ZBTB20: variants seen among roughly 807,000 people sequenced by gnomAD.
ZBTB20 encodes zinc finger and BTB domain containing 20, also known as zinc finger and BTB domain-containing protein 20.
A neutral mutation model predicts 56.9 loss-of-function variants in ZBTB20; 9 were observed. The ratio of observed to expected loss-of-function variants is 0.16; its 90% CI spans 0.10 to 0.28. The LOEUF (loss-of-function observed/expected upper bound fraction) is 0.28. Among genes scored for constraint, ZBTB20 ranks in the 10% least tolerant of loss-of-function variants. ZBTB20 has a pLI of 1.00. For missense variants in ZBTB20, 655 were observed against 1,003.0 expected (o/e 0.65, Z 4.69); for synonymous variants, 417 against 420.7 (o/e 0.99, Z 0.11).
chr3:114,748,081 A>G (rs1251974849), intron 5 of ZBTB20, among the ~76,000 whole-genome samples: 1 of 152,156 alleles, frequency 6.6e-6, no homozygotes, highest in East Asian at 1.9e-4. Context: ...AAGACATATC[A>G]ACATTGGTAA....
chr3:114,768,747 G>T (rs1350496329), intron 5 of ZBTB20, among the ~76,000 whole-genome samples: 3 of 152,250 alleles, frequency 2.0e-5, no homozygotes, highest in African/African-American at 7.2e-5. Flanking sequence ...AAAGTAAATA[G>T]GAGAGATATC....
In ZBTB20 at chr3:114,784,233, CAG is replaced by C. The variant is rs2070329220; in HGVS notation, c.-343+16866_-343+16867del. On this transcript the variant is annotated intron_variant, in intron 5 of 11. Transcript: ENST00000675478. ...GAGTTGCCACAGGCAAGAGGACTAA[CAG>C]AGTAAAATACTAACTGATCCAATAT... 2.6e-5 allele frequency among the ~76,000 whole-genome samples: 4 copies of C among 152,202 alleles called. No homozygotes were observed. In the South Asian group the frequency reaches 6.2e-4, roughly 24 times the overall value.
intron 5 of ZBTB20, among the ~76,000 whole-genome samples, chr3:114,775,325 A>G (rs2069512013): frequency 6.6e-6 from 1 of 152,112 alleles, no homozygotes; most frequent in African/African-American, 2.4e-5. Flanking sequence ...TTTTAAACAT[A>G]TTTTATCTTA....
At chr3:115,060,437 A>C (rs2108473999) in intron 2 of ZBTB20, among the ~76,000 whole-genome samples, 1 of 152,292 alleles carries the variant, frequency 6.6e-6, no homozygotes, top group African/African-American at 2.4e-5. Context: ...CCATCTCTAC[A>C]GGAAGGCTTT....
chr3:114,725,956 AG>A (rs2065246515), intron 5 of ZBTB20, among the ~76,000 whole-genome samples: 1 of 152,214 alleles, frequency 6.6e-6, no homozygotes. Context: ...TAACTCACTG[AG>A]GGGGTTGTGG....
intron 10 of ZBTB20, among the ~76,000 whole-genome samples, chr3:114,379,968 T>A (rs1460139042): frequency 1.3e-5 from 2 of 152,232 alleles, no homozygotes; most frequent in African/African-American, 4.8e-5. Context: ...GTTAGTGTTA[T>A]GAAAAGAACG....
chr3:114,976,652 C>T (rs112536871), intron 2 of ZBTB20, among the ~76,000 whole-genome samples: 289 of 151,794 alleles, frequency 1.9e-3, no homozygotes, highest in African/African-American at 6.6e-3. Context: ...TCTGAAGGAC[C>T]GTTTGAATTG....
chr3:115,085,632 G>A (rs543656091), intron 1 of ZBTB20, among the ~76,000 whole-genome samples: 2 of 152,030 alleles, frequency 1.3e-5, no homozygotes, highest in South Asian at 2.1e-4. Context: ...TCTTATTTGG[G>A]CATAATTTCC....
intron 3 of ZBTB20, among the ~76,000 whole-genome samples, chr3:114,910,711 AT>A (rs1275467847): frequency 1.3e-5 from 2 of 152,100 alleles, no homozygotes; most frequent in South Asian, 4.1e-4. Context: ...CTCAAAAAAA[AT>A]AAATGGGCTC....
At chr3:114,350,164 TA>T in intron 11 of ZBTB20, 109 bp downstream of exon 11, 1 of 1,472,256 alleles carries the variant, frequency 6.8e-7, no homozygotes. Context: ...GGGGTCTGTT[TA>T]AAATCTGAAA....
At chr3:114,346,955 G>A (rs1432587215) in intron 11 of ZBTB20, among the ~76,000 whole-genome samples, 1 of 151,820 alleles carries the variant, frequency 6.6e-6, no homozygotes, top group Non-Finnish European at 1.5e-5. Flanking sequence ...CAAAGTCCTG[G>A]GATTACAGGC....
intron 7 of ZBTB20, among the ~76,000 whole-genome samples, chr3:114,490,377 A>G (rs747606617): frequency 5.3e-5 from 8 of 151,998 alleles, no homozygotes; most frequent in Non-Finnish European, 1.2e-4. Context: ...ACCCGCCACT[A>G]TGCCCGGCTA....
At position 114,337,724 on chromosome 3, in the gene ZBTB20, C is replaced by T. The variant is rs2079507790; in HGVS notation, c.*1281G>A. ...AAAAAATATGAAGAAAATATCCTTC[C>T]TCTCTTTCAAATATAACTTTAGTTG... On this transcript the variant is annotated 3_prime_UTR_variant, in exon 12 of 12. Coordinates refer to ENST00000675478, the MANE Select transcript of ZBTB20 (RefSeq NM_001348800.3). 2 of 151,966 alleles carry T rather than the reference C, an allele frequency of 1.3e-5. No individual in the cohort carries two copies. The highest frequency in any genetic ancestry group is 6.6e-5 in the Admixed American group (1 of 15,264). The allele number at this position is 151,966 out of a possible 1,614,324, so 9.4% of individuals were successfully genotyped here.
At chr3:114,740,602 G>C (rs2066503222) in intron 5 of ZBTB20, among the ~76,000 whole-genome samples, 1 of 152,078 alleles carries the variant, frequency 6.6e-6, no homozygotes, top group Non-Finnish European at 1.5e-5. Flanking sequence ...GTAAATGGAA[G>C]GTATACATGT....
At chr3:114,861,717 AC>A (rs2075542160) in intron 4 of ZBTB20, 4 of 151,214 alleles carry the variant, frequency 2.6e-5, no homozygotes, top group African/African-American at 9.7e-5. Context: ...ACACACACAC[AC>A]ACCCCCCAAA....
intron 5 of ZBTB20, among the ~76,000 whole-genome samples, chr3:114,697,060 T>C (rs969899463): frequency 4.8e-5 from 6 of 124,608 alleles, no homozygotes; most frequent in Non-Finnish European, 8.3e-5. Flanking sequence ...ATGTACTTTG[T>C]TAAAAAAAAA....
intron 4 of ZBTB20, among the ~76,000 whole-genome samples, chr3:114,834,370 G>C (rs1196360125): frequency 6.6e-6 from 1 of 151,956 alleles, no homozygotes; most frequent in Non-Finnish European, 1.5e-5. Flanking sequence ...ATACAAATCT[G>C]CCCCATTTTA....
chr3:114,899,850 T>C (rs973241662), intron 4 of ZBTB20, among the ~76,000 whole-genome samples: 9 of 152,070 alleles, frequency 5.9e-5, no homozygotes, highest in African/African-American at 2.2e-4. Flanking sequence ...TTCCCATTCG[T>C]CTAGTGCTTG....
Position 114,467,994 on chromosome 3 carries a change from T to C in ZBTB20, c.-255+32358A>G, listed in dbSNP as rs1282668824. Among the ~76,000 whole-genome samples, 13 of 152,222 alleles carry C rather than the reference T, an allele frequency of 8.5e-5. 1 individual carries two copies. The highest frequency in any genetic ancestry group is 7.9e-4 in the Admixed American group (12 of 15,284). On this transcript the variant is annotated intron_variant, in intron 7 of 11. Transcript: ENST00000675478. ...CCTTTGTGATGATGAGTTTCAGTCC[T>C]AGCCTCTAAGAGTTTTTGTGGTCAT...
Sources: allele counts gnomAD v4.1 joint callset (sites outside exome capture counted in the v4.1 genomes callset), GRCh38; gene constraint gnomAD v4.1.1; transcripts MANE v1.5; gene names NCBI Gene and HGNC (gene_info 2026-07-23, HGNC 2026-07-21).